KIF26B: variants seen among roughly 807,000 people sequenced by gnomAD.
KIF26B encodes the protein kinesin family member 26B, also known as kinesin-like protein KIF26B.
In KIF26B, 63 loss-of-function variants were observed where a neutral mutation model predicts 151.2. The ratio of observed to expected loss-of-function variants is 0.42; its 90% CI spans 0.34 to 0.51. The LOEUF (loss-of-function observed/expected upper bound fraction) is 0.51, where lower values mean the gene tolerates loss of function less well. KIF26B is among the 20% of genes least tolerant of loss of function. The probability of loss-of-function intolerance (pLI) is 0.07; values close to 1 mark genes in which losing one functional copy is unlikely to be tolerated. For missense variants in KIF26B, 2,813 were observed against 2,913.6 expected (o/e 0.97, Z 0.79); for synonymous variants, 1,357 against 1,262.1 (o/e 1.08, Z -1.59).
rs567545223 is a variant in KIF26B, at chr1:245,558,212, G to A, written c.1350+17262G>A. ...TTATTCACTCCACTCCTGTTTAGCT[G>A]GTCACATGGCTCCCCCATTCCTTGC... On this transcript the variant is annotated intron_variant, in intron 5 of 14. Coordinates refer to ENST00000407071, the MANE Select transcript of KIF26B (RefSeq NM_018012.4). Among the ~76,000 whole-genome samples, 3 of 152,236 alleles carry A rather than the reference G, an allele frequency of 2.0e-5. No homozygotes were observed. The South Asian group carries it at 6.2e-4, about 32-fold the overall frequency.
chr1:245,189,723 G>A (rs990993904), intron 2 of KIF26B, among the ~76,000 whole-genome samples: 1 of 152,250 alleles, frequency 6.6e-6, no homozygotes, highest in Non-Finnish European at 1.5e-5. Context: ...CTGGAAGGTT[G>A]TGTGTTAACA....
At chr1:245,323,812 G>A (rs185292748) in intron 2 of KIF26B, among the ~76,000 whole-genome samples, 40 of 152,336 alleles carry the variant, frequency 2.6e-4, no homozygotes, top group Non-Finnish European at 4.4e-4. Context: ...CCAGCTGTAC[G>A]GGAATAAACA....
Position 245,419,825 on chromosome 1 carries a change from A to T in KIF26B, c.1166+80A>T, listed in dbSNP as rs867527004. ...CCTCACGTGGACTAGCTCAGCTGAA[A>T]CACTAGAAAGAGTTTGGGGCCGTTC... On this transcript the variant is annotated intron_variant, in intron 4 of 14. Coordinates refer to ENST00000407071, the MANE Select transcript of KIF26B (RefSeq NM_018012.4). The T allele has an allele frequency of 2.2e-5, 29 of 1,322,826 alleles. No individual in the cohort carries two copies. In the South Asian group the frequency reaches 4.1e-4, roughly 19 times the overall value. The allele number at this position is 1,322,826 out of a possible 1,614,324, so 81.9% of individuals were successfully genotyped here. A position where few individuals can be genotyped will look rare whatever the true frequency, so the allele number is the denominator to read the frequency against.
At position 245,685,485 on chromosome 1, in the gene KIF26B, C is replaced by T. The variant is rs1217947789; in HGVS notation, c.2502C>T (p.His834=). The T allele has an allele frequency of 1.2e-6, 2 of 1,613,854 alleles. No homozygotes were observed. The highest frequency in any genetic ancestry group is 1.1e-5 in the South Asian group (1 of 91,070). Residue 834 remains histidine (H), a synonymous_variant, in exon 12 of 15, where the codon CAC becomes CAT. Coordinates refer to ENST00000407071, the MANE Select transcript of KIF26B (RefSeq NM_018012.4). ...MRRPTQLRPF[H]TRATVDPDFP... ...GGCCCACCCAGCTGAGACCCTTCCA[C>T]ACCAGGGCCACGGTGGACCCTGACT... is the stretch of plus-strand genomic sequence containing the variant.
chr1:245,664,467 C>A, intron 10 of KIF26B, among the ~76,000 whole-genome samples: 1 of 152,074 alleles, frequency 6.6e-6, no homozygotes, highest in Middle Eastern at 3.4e-3. Flanking sequence ...CTGTTACACA[C>A]CTCTCCTTCT....
Position 245,560,678 on chromosome 1 carries a change from G to C in KIF26B, c.1350+19728G>C, listed in dbSNP as rs1252205457. On this transcript the variant is annotated intron_variant, in intron 5 of 14. Transcript: ENST00000407071. The surrounding 1 kb of genome is among the most constrained non-coding windows in gnomAD (Gnocchi z 4.3). ...GTGGGAAACGCAAACCTGTCAACCT[G>C]TCAGTCTCTCCCCTCTCACGGAAGC... Among the ~76,000 whole-genome samples, 4 of 152,102 alleles carry C rather than the reference G, an allele frequency of 2.6e-5. No individual in the cohort carries two copies. Among genetic ancestry groups the C allele is most frequent in the Non-Finnish European group, 2.9e-5 (2 of 68,022 alleles).
chr1:245,559,568 CA>C (rs1209255242), intron 5 of KIF26B, among the ~76,000 whole-genome samples: 4 of 151,314 alleles, frequency 2.6e-5, no homozygotes, highest in Non-Finnish European at 4.4e-5. Flanking sequence ...CACGCCCCCA[CA>C]CCTGCCTAAT....
chr1:245,313,496 T>C (rs399904), intron 2 of KIF26B, among the ~76,000 whole-genome samples: 1 of 152,082 alleles, frequency 6.6e-6, no homozygotes, highest in Non-Finnish European at 1.5e-5. Flanking sequence ...GCACGGGCGG[T>C]TGTGAAACTG....
chr1:245,662,594 T>TAC (rs879335687), intron 10 of KIF26B, among the ~76,000 whole-genome samples: 57,561 of 101,486 alleles, frequency 0.57, 17,408 homozygotes, highest in East Asian at 0.74. Flanking sequence ...CACCCAATGA[T>TAC]ATATACACAG....
At chr1:245,211,365 C>T (rs1669524080) in intron 2 of KIF26B, among the ~76,000 whole-genome samples, 1 of 152,208 alleles carries the variant, frequency 6.6e-6, no homozygotes, top group African/African-American at 2.4e-5. Flanking sequence ...TAGCTGTCTG[C>T]CCCTTGACAG....
chr1:245,226,328 CTT>C (rs1372844532), intron 2 of KIF26B, among the ~76,000 whole-genome samples: 1 of 152,222 alleles, frequency 6.6e-6, no homozygotes, highest in Non-Finnish European at 1.5e-5. Context: ...TGTGCATTGT[CTT>C]ATTCCCTTGT....
intron 2 of KIF26B, among the ~76,000 whole-genome samples, chr1:245,345,930 TC>T (rs1216521208): frequency 1.5e-5 from 2 of 134,764 alleles, no homozygotes; most frequent in African/African-American, 7.2e-5. Context: ...TTTCTTTCTT[TC>T]TTTCTTTTTT....
rs969199192 is a variant in KIF26B, at chr1:245,375,945, C to T, written c.999+8578C>T. On this transcript the variant is annotated intron_variant, in intron 3 of 14. Coordinates refer to ENST00000407071, the MANE Select transcript of KIF26B (RefSeq NM_018012.4). This position sits in a 1 kb window ranked among gnomAD's most constrained non-coding sequence, Gnocchi z 4.2. ...TTACTCATACTGCACCGCTGGTTTGCGATTGTCTCAGATTTCCCTATTGTT... is the reference window on the plus strand; with the variant it reads ...TTACTCATACTGCACCGCTGGTTTGTGATTGTCTCAGATTTCCCTATTGTT... Among the ~76,000 whole-genome samples the T allele has an allele frequency of 2.6e-5, 4 of 152,170 alleles. No homozygotes were observed. Among genetic ancestry groups the T allele is most frequent in the South Asian group, 2.1e-4 (1 of 4,824 alleles).
At chr1:245,655,047 A>G (rs1007636692) in intron 10 of KIF26B, among the ~76,000 whole-genome samples, 1 of 152,334 alleles carries the variant, frequency 6.6e-6, no homozygotes, top group Admixed American at 6.5e-5. Context: ...GAGCTCCCAG[A>G]GAAGTATGTG....
chr1:245,388,228 T>A (rs974719362), intron 3 of KIF26B, among the ~76,000 whole-genome samples: 1 of 152,142 alleles, frequency 6.6e-6, no homozygotes, highest in Non-Finnish European at 1.5e-5. Context: ...TAGTATTTTT[T>A]AAAAAACGTT....
intron 2 of KIF26B, chr1:245,206,658 G>T (rs1361020412): frequency 1.3e-5 from 2 of 152,130 alleles, no homozygotes; most frequent in African/African-American, 4.8e-5. Context: ...CTCCAACCCT[G>T]GATCTTGATG....
chr1:245,632,046 C>T (rs915419279), intron 9 of KIF26B, among the ~76,000 whole-genome samples: 1 of 151,358 alleles, frequency 6.6e-6, no homozygotes, highest in African/African-American at 2.4e-5. Context: ...GTGTTTATTT[C>T]GTCTCTGATC....
chr1:245,596,573 C>T (rs773968909), intron 5 of KIF26B, among the ~76,000 whole-genome samples: 1 of 151,782 alleles, frequency 6.6e-6, no homozygotes, highest in Non-Finnish European at 1.5e-5. Context: ...ATTATGTGGT[C>T]GATTTCAGAA....
At chr1:245,339,210 C>T (rs1298562689) in intron 2 of KIF26B, among the ~76,000 whole-genome samples, 1 of 152,082 alleles carries the variant, frequency 6.6e-6, no homozygotes, top group Non-Finnish European at 1.5e-5. Context: ...GAGCTCCTTA[C>T]CTCGTGATCC....
Sources: gnomAD v4.1 joint callset for allele counts (sites outside exome capture counted in the v4.1 genomes callset) on GRCh38, gnomAD v4.1.1 for gene constraint, Gnocchi (gnomAD v3.1) non-coding constraint, MANE v1.5 for transcripts, NCBI Gene and HGNC (gene_info 2026-07-23, HGNC 2026-07-21) for gene names.